The following IP6K1 variants were observed in gnomAD, a reference collection of about 807,000 sequenced individuals.
IP6K1 encodes ATP:1D-myo-inositol-hexakisphosphate phosphotransferase.
IP6K1 carries 13 observed loss-of-function variants against 38.3 expected under a neutral mutation model. The observed-to-expected ratio is 0.34, with a 90% confidence interval of 0.22 to 0.54. The LOEUF is 0.54. Among genes scored for constraint, IP6K1 ranks in the 20% least tolerant of loss-of-function variants. The pLI is 0.92. For synonymous variants in IP6K1, 212 were observed against 229.9 expected (o/e 0.92, Z 0.70); for missense variants, 397 against 599.8 (o/e 0.66, Z 3.53).
rs1323381098 is a variant in IP6K1 at position 49,761,443 on chromosome 3, T to C, written c.-128-13275A>G. ...AGATCAAGACCATGGTGAAACCCCA[T>C]CTCTACTAAAAATACAAAAAATTAG... On this transcript the variant is annotated intron_variant, in intron 1 of 5. Coordinates refer to ENST00000321599, the MANE Select transcript of IP6K1 (RefSeq NM_153273.4). Among the ~76,000 whole-genome samples the C allele has an allele frequency of 2.6e-5, 4 of 151,680 alleles. No homozygotes were observed. In the East Asian group the frequency reaches 5.8e-4, roughly 22 times the overall value.
chr3:49,777,680 C>T (rs1335495960), intron 1 of IP6K1, among the ~76,000 whole-genome samples: 3 of 151,506 alleles, frequency 2.0e-5, no homozygotes, highest in East Asian at 2.0e-4. Context: ...TTTGGGAAGC[C>T]GAGATGGGCG....
At position 49,727,607 on chromosome 3, in the gene IP6K1, C is replaced by T; in HGVS notation, c.841G>A (p.Gly281Ser). 6.2e-7 allele frequency: 1 copy of T among 1,614,188 alleles called. No homozygotes were observed. Among genetic ancestry groups the T allele is most frequent in the Non-Finnish European group, 8.5e-7 (1 of 1,180,026 alleles). The change falls in exon 6 of 6, where the codon GGC (glycine) becomes AGC (serine). Residue 281 changes from glycine to serine, a missense_variant. Physicochemically the swap from Gly to Ser is moderately conservative, Grantham distance 56. This residue lies in a region of IP6K1 where 62 missense variants were observed against 149.2 expected (regional missense o/e 0.42). Coordinates refer to ENST00000321599, the MANE Select transcript of IP6K1 (RefSeq NM_153273.4). This position sits in a 1 kb window ranked among gnomAD's most constrained non-coding sequence, Gnocchi z 5.9. ...GHYLCRNKYY[G>S]RGLSIEGFRN... ...AAGCCTTCAATGGAGAGCCCACGGC[C>T]ATAGTACTTGTTCCTGCAGAGGTAA... is the stretch of plus-strand genomic sequence containing the variant.
chr3:49,779,951 G>T lies in IP6K1; in HGVS notation c.-129+6403C>A, dbSNP rs539290978. 3.3e-5 allele frequency among the ~76,000 whole-genome samples: 5 copies of T among 152,166 alleles called. No homozygotes were observed. In the East Asian group the frequency reaches 9.6e-4, roughly 29 times the overall value. On this transcript the variant is annotated intron_variant, in intron 1 of 5. Coordinates refer to ENST00000321599, the MANE Select transcript of IP6K1 (RefSeq NM_153273.4). ...AATTTGCCTGCTTCAACCTCCAAAA[G>T]TTCTGGAATTATGGGCATGAGCTAC...
chr3:49,735,980 A>G (rs547071226), intron 3 of IP6K1, among the ~76,000 whole-genome samples: 1 of 152,180 alleles, frequency 6.6e-6, no homozygotes, highest in Non-Finnish European at 1.5e-5. Flanking sequence ...GCAATGGTGT[A>G]ATCTCAGCTC....
At chr3:49,772,778 A>C (rs1038486929) in intron 1 of IP6K1, among the ~76,000 whole-genome samples, 1 of 147,024 alleles carries the variant, frequency 6.8e-6, no homozygotes, top group East Asian at 2.0e-4. Context: ...TTTTTTTTAC[A>C]TAGAGACAGG....
chr3:49,729,462 C>G (rs1368921141), intron 4 of IP6K1, among the ~76,000 whole-genome samples: 1 of 151,288 alleles, frequency 6.6e-6, no homozygotes, highest in Non-Finnish European at 1.5e-5. Flanking sequence ...GGCTGGAGTG[C>G]AATGGCACTA....
chr3:49,731,136 A>G (rs1241264644), intron 4 of IP6K1, among the ~76,000 whole-genome samples: 1 of 151,820 alleles, frequency 6.6e-6, no homozygotes, highest in Non-Finnish European at 1.5e-5. Flanking sequence ...TAATAGTTCT[A>G]TAACCTTCTG....
At chr3:49,751,501 TG>T (rs775774675) in intron 1 of IP6K1, among the ~76,000 whole-genome samples, 2 of 152,106 alleles carry the variant, frequency 1.3e-5, no homozygotes, top group African/African-American at 2.4e-5. Context: ...TCCTGAAGTC[TG>T]GTGTCCACAG....
intron 1 of IP6K1, among the ~76,000 whole-genome samples, chr3:49,759,720 G>A (rs2080852120): frequency 6.6e-6 from 1 of 152,104 alleles, no homozygotes; most frequent in Non-Finnish European, 1.5e-5. Context: ...TTTATTAAAG[G>A]TTACCCAGAA....
chr3:49,739,928 T>C (rs1559704493), intron 2 of IP6K1, among the ~76,000 whole-genome samples: 2 of 152,004 alleles, frequency 1.3e-5, no homozygotes, highest in Admixed American at 6.6e-5. Flanking sequence ...GGCAGGAGAA[T>C]CACTTGAAGC....
rs2080576112 is a variant in IP6K1 at position 49,732,906 on chromosome 3, T to C, written c.501A>G (p.Leu167=). Residue 167 remains leucine (L), a synonymous_variant, in exon 4 of 6, where the codon CTA becomes CTG. Transcript: ENST00000321599. Reference sequence around the variant, plus strand: ...CAGAACTCAAGCCACTGTTGCCATCTAGCATCTGGAAAGGGACCTCTGAGT... The same window carrying C: ...CAGAACTCAAGCCACTGTTGCCATCCAGCATCTGGAAAGGGACCTCTGAGT... ...HSHSEVPFQM[L]DGNSGLSSEK... 1 of 1,614,138 alleles carries C rather than the reference T, an allele frequency of 6.2e-7. No homozygotes were observed. The highest frequency in any genetic ancestry group is 1.7e-5 in the Admixed American group (1 of 60,014).
chr3:49,742,757 G>A lies in IP6K1; in HGVS notation c.224-4335C>T, dbSNP rs374399837. 3.5e-4 allele frequency among the ~76,000 whole-genome samples: 53 copies of A among 151,606 alleles called. No homozygotes were observed. In the East Asian group the frequency reaches 3.7e-3, roughly 11 times the overall value. ...CTACAAAATACAAAAAAAAAGAGCC[G>A]GTGCACACCTGTGGTCCCAGCTACT... On this transcript the variant is annotated intron_variant, in intron 2 of 5. Transcript: ENST00000321599.
At chr3:49,783,529 G>A (rs2081086363) in intron 1 of IP6K1, among the ~76,000 whole-genome samples, 1 of 151,866 alleles carries the variant, frequency 6.6e-6, no homozygotes, top group Non-Finnish European at 1.5e-5. Flanking sequence ...TGGCTAACAC[G>A]GTGAAACCCC....
Position 49,725,431 on chromosome 3 carries a change from A to C in IP6K1, c.*1691T>G, listed in dbSNP as rs1017563189. 8.5e-5 allele frequency: 13 copies of C among 152,280 alleles called. No individual in the cohort carries two copies. The highest frequency in any genetic ancestry group is 4.6e-4 in the Admixed American group (7 of 15,280). 9.4% of individuals were successfully genotyped at this position (152,280 alleles called of 1,614,324 possible). A position where few individuals can be genotyped will look rare whatever the true frequency, so the allele number is the denominator to read the frequency against. On this transcript the variant is annotated 3_prime_UTR_variant, in exon 6 of 6. Coordinates refer to ENST00000321599, the MANE Select transcript of IP6K1 (RefSeq NM_153273.4). Reference sequence around the variant, plus strand: ...CAAGCTGTCCCTCCCAGCCCCAAAGAATGGGAACCTGCCCACCAGTGGCAC... The same window carrying C: ...CAAGCTGTCCCTCCCAGCCCCAAAGCATGGGAACCTGCCCACCAGTGGCAC...
In IP6K1 at chr3:49,775,511, C is replaced by A. The variant is rs1246841721; in HGVS notation, c.-129+10843G>T. ...CCTATTACTGTAAGGAGTGCACCAT[C>A]TAGGAGAAGGATAGAGATGGCTGCC... On this transcript the variant is annotated intron_variant, in intron 1 of 5. Coordinates refer to ENST00000321599, the MANE Select transcript of IP6K1 (RefSeq NM_153273.4). 10 of 900,952 alleles carry A rather than the reference C, an allele frequency of 1.1e-5. No homozygotes were observed. In the East Asian group the frequency reaches 3.1e-4, roughly 28 times the overall value. The allele number at this position is 900,952 out of a possible 1,614,324, so 55.8% of individuals were successfully genotyped here. A position where few individuals can be genotyped will look rare whatever the true frequency, so the allele number is the denominator to read the frequency against.
chr3:49,740,228 C>CTTTTT (rs71080547), intron 2 of IP6K1, among the ~76,000 whole-genome samples: 8 of 76,498 alleles, frequency 1.0e-4, no homozygotes, highest in East Asian at 4.5e-4. Flanking sequence ...ATTTGCAATT[C>CTTTTT]TTTTTTTTTT....
chr3:49,725,136 C>G lies in IP6K1; in HGVS notation c.*1986G>C, dbSNP rs2080486425. The stretch of plus-strand genomic sequence containing the variant: ...GCAGCAAATCCCAGGCCTTCCCACT[C>G]TTTGTAGTGCCAGGAAAATACTGAA... On this transcript the variant is annotated 3_prime_UTR_variant, in exon 6 of 6. Transcript: ENST00000321599. The G allele has an allele frequency of 6.6e-6, 1 of 152,664 alleles. No individual in the cohort carries two copies. The highest frequency in any genetic ancestry group is 6.5e-5 in the Admixed American group (1 of 15,288). The allele number at this position is 152,664 out of a possible 1,614,324, so 9.5% of individuals were successfully genotyped here. A position where few individuals can be genotyped will look rare whatever the true frequency, so the allele number is the denominator to read the frequency against.
At position 49,757,848 on chromosome 3, in the gene IP6K1, C is replaced by T. The variant is rs552390341; in HGVS notation, c.-128-9680G>A. On this transcript the variant is annotated intron_variant, in intron 1 of 5. Coordinates refer to ENST00000321599, the MANE Select transcript of IP6K1 (RefSeq NM_153273.4). ...TTATACATGGAGTTCATCTTAGGTACAAATCTACTACCTTATATTAGCAAT... is the reference window on the plus strand; with the variant it reads ...TTATACATGGAGTTCATCTTAGGTATAAATCTACTACCTTATATTAGCAAT... 6.0e-4 allele frequency among the ~76,000 whole-genome samples: 92 copies of T among 152,262 alleles called. 3 individuals carry two copies. In the South Asian group the frequency reaches 0.019, roughly 31 times the overall value.
chr3:49,781,628 C>T (rs1185865448), intron 1 of IP6K1, among the ~76,000 whole-genome samples: 1 of 152,080 alleles, frequency 6.6e-6, no homozygotes, highest in Non-Finnish European at 1.5e-5. Context: ...TTTAGCAAAC[C>T]ATTTGGTTAG....
Sources: gnomAD v4.1 joint callset for allele counts (sites outside exome capture counted in the v4.1 genomes callset) on GRCh38, gnomAD v4.1.1 for gene constraint, gnomAD v4.1.1 regional missense constraint, Gnocchi (gnomAD v3.1) non-coding constraint, MANE v1.5 for transcripts, NCBI Gene and HGNC (gene_info 2026-07-23, HGNC 2026-07-21) for gene names.